TBCA: variants seen among roughly 807,000 people sequenced by gnomAD.
TBCA encodes the protein tubulin-specific chaperone A.
In TBCA, 6 loss-of-function variants were observed where a neutral mutation model predicts 15.8. That is an observed-to-expected ratio of 0.38 (90% CI 0.21 to 0.75). The LOEUF is 0.75. Among genes scored for constraint, TBCA ranks in the 30% least tolerant of loss-of-function variants. TBCA has a pLI of 0.46. For synonymous variants in TBCA, 32 were observed against 42.3 expected, an observed-to-expected ratio of 0.76 and a Z score of 0.94; for missense variants, 90 against 131.2, an observed-to-expected ratio of 0.69 and a Z score of 1.53.
chr5:77,753,574 C>T (rs1052140595), intron 1 of TBCA, among the ~76,000 whole-genome samples: 1 of 152,076 alleles, frequency 6.6e-6, no homozygotes, highest in Non-Finnish European at 1.5e-5. Context: ...TCTGAGATAT[C>T]GTGAATAACT....
chr5:77,705,465 A>T, intron 2 of TBCA: 1 of 395,998 alleles, frequency 2.5e-6, no homozygotes, highest in Non-Finnish European at 4.5e-6. Flanking sequence ...AAAGCAGTAT[A>T]TATCATAATT....
At chr5:77,767,801 C>T (rs1747814509) in intron 1 of TBCA, among the ~76,000 whole-genome samples, 1 of 152,202 alleles carries the variant, frequency 6.6e-6, no homozygotes, top group African/African-American at 2.4e-5. Context: ...TCCTCATCCA[C>T]ACTGTTGATA....
At chr5:77,700,091 G>A (rs1745977366) in intron 2 of TBCA, among the ~76,000 whole-genome samples, 1 of 149,426 alleles carries the variant, frequency 6.7e-6, no homozygotes, top group African/African-American at 2.5e-5. Context: ...TGCAGTCCCA[G>A]CTACTTGGGA....
chr5:77,739,068 T>C (rs1746974349), intron 1 of TBCA, among the ~76,000 whole-genome samples: 1 of 152,192 alleles, frequency 6.6e-6, no homozygotes, highest in Non-Finnish European at 1.5e-5. Flanking sequence ...ATAAGAAAAG[T>C]TCATTAAACT....
At chr5:77,712,439 T>A (rs930603871) in intron 1 of TBCA, among the ~76,000 whole-genome samples, 3 of 152,164 alleles carry the variant, frequency 2.0e-5, no homozygotes, top group African/African-American at 7.2e-5. Context: ...AATTAGTATC[T>A]TCTGGTGAAT....
At chr5:77,734,251 T>G (rs1188329012) in intron 1 of TBCA, among the ~76,000 whole-genome samples, 1 of 152,256 alleles carries the variant, frequency 6.6e-6, no homozygotes, top group Non-Finnish European at 1.5e-5. Context: ...TAATTTCAAC[T>G]TTTAAGTCTT....
At chr5:77,775,095 T>C (rs1747991222) in intron 1 of TBCA, among the ~76,000 whole-genome samples, 1 of 151,964 alleles carries the variant, frequency 6.6e-6, no homozygotes, top group African/African-American at 2.4e-5. Context: ...ACCCTGGCAA[T>C]GTAAATTGAT....
At chr5:77,729,320 AAGG>A (rs1164421399) in intron 1 of TBCA, among the ~76,000 whole-genome samples, 1 of 152,098 alleles carries the variant, frequency 6.6e-6, no homozygotes, top group African/African-American at 2.4e-5. Context: ...TCTAAAAAAA[AAGG>A]AGAGAGAGAA....
At chr5:77,693,453 A>AAGTTATGGTT in intron 2 of TBCA, 101 bp from the exon 3 acceptor site, 1 of 1,330,572 alleles carries the variant, frequency 7.5e-7, no homozygotes, top group Non-Finnish European at 1.0e-6. Context: ...AATCAGAAAA[A>AAGTTATGGTT]AGTTATGGTT....
At chr5:77,706,185 CA>C (rs1010598925) in intron 2 of TBCA, among the ~76,000 whole-genome samples, 1 of 152,048 alleles carries the variant, frequency 6.6e-6, no homozygotes, top group African/African-American at 2.4e-5. Flanking sequence ...ATTTACATGG[CA>C]AAAATGACTG....
chr5:77,720,036 C>T (rs1746493444), intron 1 of TBCA, among the ~76,000 whole-genome samples: 1 of 152,102 alleles, frequency 6.6e-6, no homozygotes, highest in Non-Finnish European at 1.5e-5. Flanking sequence ...TCTCTAACTG[C>T]CTTTGTAACA....
At position 77,726,465 on chromosome 5, in the gene TBCA, T is replaced by G. The variant is rs560441217; in HGVS notation, c.54-18118A>C. ...TTTAAGGAGAAAAATAGTTGAACAA[T>G]AAAACAATTACTTAACACATGCTTC... On this transcript the variant is annotated intron_variant, in intron 1 of 3. Transcript: ENST00000380377. Among the ~76,000 whole-genome samples, 207 of 152,272 alleles carry G rather than the reference T, an allele frequency of 1.4e-3. 1 individual carries two copies. Among genetic ancestry groups the G allele is most frequent in the Admixed American group, 4.6e-3 (71 of 15,290 alleles).
intron 1 of TBCA, among the ~76,000 whole-genome samples, chr5:77,755,857 A>G (rs969684838): frequency 5.3e-5 from 8 of 152,012 alleles, no homozygotes; most frequent in Admixed American, 1.3e-4. Flanking sequence ...ATACAAAATT[A>G]GCTAGGAGTG....
At chr5:77,728,917 C>T (rs1351475554) in intron 1 of TBCA, among the ~76,000 whole-genome samples, 1 of 151,934 alleles carries the variant, frequency 6.6e-6, no homozygotes, top group Non-Finnish European at 1.5e-5. Context: ...ATCTGTGGGC[C>T]CGCCATAAGT....
At chr5:77,719,872 T>A (rs1746488871) in intron 1 of TBCA, among the ~76,000 whole-genome samples, 1 of 152,132 alleles carries the variant, frequency 6.6e-6, no homozygotes, top group African/African-American at 2.4e-5. Context: ...CTAAAGACAC[T>A]GTGAATAGCT....
chr5:77,699,835 C>T (rs1459813177), intron 2 of TBCA, among the ~76,000 whole-genome samples: 2 of 151,812 alleles, frequency 1.3e-5, no homozygotes, highest in East Asian at 3.9e-4. Flanking sequence ...GTCAGGAGTT[C>T]GAGACCAGCC....
At chr5:77,718,791 G>C (rs998142415) in intron 1 of TBCA, among the ~76,000 whole-genome samples, 2 of 152,008 alleles carry the variant, frequency 1.3e-5, no homozygotes, top group South Asian at 2.1e-4. Context: ...AATGAGATGG[G>C]GCTGGAGATG....
At chr5:77,754,393 T>G (rs1747426426) in intron 1 of TBCA, among the ~76,000 whole-genome samples, 1 of 152,248 alleles carries the variant, frequency 6.6e-6, no homozygotes, top group African/African-American at 2.4e-5. Context: ...TTTTTTAGAA[T>G]GTTTTCCTAC....
intron 3 of TBCA, chr5:77,692,472 G>C (rs1745774513): frequency 2.0e-5 from 19 of 937,562 alleles, no homozygotes; most frequent in Non-Finnish European, 2.4e-5. Context: ...ATTTTTAGTA[G>C]AGACAGGATT....
Sources: allele counts gnomAD v4.1 joint callset (sites outside exome capture counted in the v4.1 genomes callset), GRCh38; gene constraint gnomAD v4.1.1; transcripts MANE v1.5; gene names NCBI Gene and HGNC (gene_info 2026-07-23, HGNC 2026-07-21).